CAMTA1: variants seen among roughly 807,000 people sequenced by gnomAD.
CAMTA1 encodes the protein calmodulin-binding transcription activator 1.
Under a neutral mutation model 170.9 loss-of-function variants are expected in CAMTA1, and 27 were observed. The observed-to-expected ratio is 0.16, with a 90% CI of 0.12 to 0.22. The LOEUF is 0.22. Among genes scored for constraint, CAMTA1 ranks in the 10% least tolerant of loss-of-function variants. The probability of loss-of-function intolerance (pLI) is 1.00; values close to 1 mark genes in which losing one functional copy is unlikely to be tolerated. For synonymous variants in CAMTA1, 833 were observed against 891.5 expected (o/e 0.93, Z 1.17); for missense variants, 1,619 against 2,217.2 (o/e 0.73, Z 5.42).
chr1:7,150,373 G>A (rs963815662), intron 4 of CAMTA1, among the ~76,000 whole-genome samples: 3 of 152,194 alleles, frequency 2.0e-5, no homozygotes, highest in South Asian at 2.1e-4. Context: ...ATCCTCAGAC[G>A]AAACCCCTGC....
chr1:7,758,196 T>G (rs1284273948), intron 22 of CAMTA1, among the ~76,000 whole-genome samples: 1 of 152,188 alleles, frequency 6.6e-6, no homozygotes, highest in East Asian at 1.9e-4. Context: ...TGCTTATGCG[T>G]TTTTGAAACT....
At chr1:7,415,235 G>A (rs1402354840) in intron 5 of CAMTA1, among the ~76,000 whole-genome samples, 1 of 151,822 alleles carries the variant, frequency 6.6e-6, no homozygotes, top group Non-Finnish European at 1.5e-5. Context: ...TGTATATTCT[G>A]TTGATTTGGG....
chr1:6,978,158 T>C (rs1557916040), intron 3 of CAMTA1, among the ~76,000 whole-genome samples: 2 of 152,212 alleles, frequency 1.3e-5, no homozygotes, highest in Non-Finnish European at 2.9e-5. Flanking sequence ...TAGTATTCGA[T>C]AGCATAACAG....
chr1:7,264,237 T>C (rs1301903491), intron 5 of CAMTA1, among the ~76,000 whole-genome samples: 1 of 152,218 alleles, frequency 6.6e-6, no homozygotes, highest in Non-Finnish European at 1.5e-5. Flanking sequence ...GCTGCATTGA[T>C]AGCAAGTCCC....
At chr1:7,764,959 CAA>C (rs1012158937) in intron 22 of CAMTA1, among the ~76,000 whole-genome samples, 3 of 119,284 alleles carry the variant, frequency 2.5e-5, no homozygotes, top group Non-Finnish European at 3.6e-5. Context: ...GACTCCGTCT[CAA>C]AAAAAAAAAA....
At chr1:7,752,749 A>C (rs150456270) in intron 21 of CAMTA1, among the ~76,000 whole-genome samples, 1 of 152,198 alleles carries the variant, frequency 6.6e-6, no homozygotes. Context: ...TGTTTGAACA[A>C]TGGAGATTCA....
At chr1:6,867,542 C>T (rs1281598756) in intron 3 of CAMTA1, among the ~76,000 whole-genome samples, 3 of 152,156 alleles carry the variant, frequency 2.0e-5, no homozygotes, top group Non-Finnish European at 2.9e-5. Flanking sequence ...CTGCCGGCCA[C>T]TTGCGGGTGA....
chr1:7,082,482 T>TAGAC (rs1327383365), intron 3 of CAMTA1, among the ~76,000 whole-genome samples: 2 of 151,986 alleles, frequency 1.3e-5, no homozygotes, highest in African/African-American at 2.4e-5. Flanking sequence ...GATAGATAGA[T>TAGAC]AGATAGATAG....
At chr1:6,899,931 C>T (rs1676567222) in intron 3 of CAMTA1, among the ~76,000 whole-genome samples, 1 of 152,210 alleles carries the variant, frequency 6.6e-6, no homozygotes, top group Non-Finnish European at 1.5e-5. Flanking sequence ...TTGGATTTTA[C>T]ATTGCCAACA....
At chr1:7,708,167 C>A (rs2096541403) in intron 11 of CAMTA1, among the ~76,000 whole-genome samples, 1 of 150,540 alleles carries the variant, frequency 6.6e-6, no homozygotes, top group Non-Finnish European at 1.5e-5. Flanking sequence ...CCCGTCTCTA[C>A]AAAAAATACA....
chr1:7,391,547 G>A (rs11806081), intron 5 of CAMTA1, among the ~76,000 whole-genome samples: 3,706 of 152,222 alleles, frequency 0.024, 156 homozygotes, highest in African/African-American at 0.083. Flanking sequence ...TGGCCATTCT[G>A]AGAGCTTTGG....
intron 3 of CAMTA1, among the ~76,000 whole-genome samples, chr1:7,060,044 C>A (rs929502831): frequency 2.0e-5 from 3 of 152,088 alleles, no homozygotes; most frequent in Non-Finnish European, 2.9e-5. Context: ...GGACTTCTGG[C>A]GTAACTTTTA....
rs529087177 is a variant in CAMTA1 at position 7,063,235 on chromosome 1, C to G, written c.235-28069C>G. On this transcript the variant is annotated intron_variant, in intron 3 of 22. Transcript: ENST00000303635. The surrounding 1 kb of genome is among the most constrained non-coding windows in gnomAD (Gnocchi z 4.3). ...TGAATTTGCTCCCACTTTCTTCACCCCCTAACATCAGGTCAAATCCGGCCT... is the reference window on the plus strand; with the variant it reads ...TGAATTTGCTCCCACTTTCTTCACCGCCTAACATCAGGTCAAATCCGGCCT... Among the ~76,000 whole-genome samples the G allele has an allele frequency of 6.6e-6, 1 of 152,176 alleles. No individual in the cohort carries two copies. Among genetic ancestry groups the G allele is most frequent in the African/African-American group, 2.4e-5 (1 of 41,446 alleles).
intron 3 of CAMTA1, among the ~76,000 whole-genome samples, chr1:7,090,447 G>T (rs1389212492): frequency 6.6e-6 from 1 of 152,202 alleles, no homozygotes; most frequent in African/African-American, 2.4e-5. Flanking sequence ...CCAAGATCAA[G>T]GGAGACATGT....
chr1:7,621,862 C>T (rs1341804407), intron 6 of CAMTA1, among the ~76,000 whole-genome samples: 1 of 152,168 alleles, frequency 6.6e-6, no homozygotes, highest in Non-Finnish European at 1.5e-5. Flanking sequence ...TTGCAAAATT[C>T]CTGGCACCAG....
intron 5 of CAMTA1, among the ~76,000 whole-genome samples, chr1:7,319,597 G>A (rs1271489833): frequency 1.3e-5 from 2 of 152,048 alleles, no homozygotes; most frequent in African/African-American, 4.8e-5. Context: ...ATTTTTTATG[G>A]CAGTGCAAGA....
intron 3 of CAMTA1, among the ~76,000 whole-genome samples, chr1:7,019,833 A>G (rs6577403): frequency 0.62 from 94,636 of 152,180 alleles, 30,338 homozygotes; most frequent in African/African-American, 0.79. Context: ...AGCCCCGCCC[A>G]GCTCCCCGGC....
chr1:7,020,013 TG>T (rs1303168326), intron 3 of CAMTA1, among the ~76,000 whole-genome samples: 1 of 152,216 alleles, frequency 6.6e-6, no homozygotes, highest in African/African-American at 2.4e-5. Context: ...AGGGGCTCAC[TG>T]GGGATTGCCT....
chr1:6,879,670 G>A (rs1349712908), intron 3 of CAMTA1, among the ~76,000 whole-genome samples: 3 of 137,374 alleles, frequency 2.2e-5, no homozygotes, highest in Admixed American at 8.1e-5. Context: ...TGAAGAACCC[G>A]CCCACTGGAG....
Sources: allele counts gnomAD v4.1 joint callset (sites outside exome capture counted in the v4.1 genomes callset), GRCh38; gene constraint gnomAD v4.1.1; non-coding constraint Gnocchi (gnomAD v3.1); transcripts MANE v1.5; gene names NCBI Gene and HGNC (gene_info 2026-07-23, HGNC 2026-07-21).